The following PRAMEF4 variants were observed in gnomAD, a reference collection of about 807,000 sequenced individuals.
PRAMEF4 encodes PRAME family member 4.
A neutral mutation model predicts 34.4 loss-of-function variants in PRAMEF4; 18 were observed. The observed-to-expected ratio is 0.52, with a 90% CI of 0.36 to 0.78. The LOEUF (loss-of-function observed/expected upper bound fraction) is 0.78. PRAMEF4 is among the 30% of genes least tolerant of loss of function. The pLI, the probability that PRAMEF4 is intolerant of heterozygous loss-of-function variation, is 0.00. For missense variants in PRAMEF4, 482 were observed against 569.1 expected, an observed-to-expected ratio of 0.85 and a Z score of 1.56; for synonymous variants, 156 against 219.3, an observed-to-expected ratio of 0.71 and a Z score of 2.55.
chr1:12,880,953 A>T (rs1333008624), intron 3 of PRAMEF4, among the ~76,000 whole-genome samples: 2 of 147,190 alleles, frequency 1.4e-5, no homozygotes, highest in African/African-American at 2.5e-5. Context: ...TAGAGATGGG[A>T]TCATTCATGT....
intron 3 of PRAMEF4, among the ~76,000 whole-genome samples, chr1:12,880,974 G>A (rs201864146): frequency 0.012 from 1,629 of 140,886 alleles, 14 homozygotes; most frequent in East Asian, 0.055. Context: ...TCACCAAACT[G>A]TGGGGCACAA....
In PRAMEF4 at chr1:12,882,024, A is replaced by T; in HGVS notation, c.705T>A (p.Asn235Lys). Reference protein sequence around the residue: ...QFTPYLGHMRNLQKLILSHMD... With the variant: ...QFTPYLGHMRKLQKLILSHMD... ...TGTGGGAGAGAATGAGTTTCTGAAG[A>T]TTCCTCATGTGGCCCAGGTATGGGG... The change falls in exon 3 of 4, where the codon AAT (asparagine) becomes AAA (lysine). Residue 235 changes from asparagine (N) to lysine (K), a missense_variant. By Grantham distance (94) the Asn-to-Lys change is moderately conservative (BLOSUM62 0). Coordinates refer to ENST00000235349, the MANE Select transcript of PRAMEF4 (RefSeq NM_001009611.4). 6.3e-7 allele frequency: 1 copy of T among 1,591,104 alleles called. No homozygotes were observed. Among genetic ancestry groups the T allele is most frequent in the East Asian group, 2.3e-5 (1 of 44,282 alleles).
At position 12,883,146 on chromosome 1, in the gene PRAMEF4, C is replaced by A; in HGVS notation, c.249G>T (p.Val83=). The change falls in exon 2 of 4, where the codon GTG becomes GTT. Residue 83 remains valine (V), a synonymous_variant. Coordinates refer to ENST00000235349, the MANE Select transcript of PRAMEF4 (RefSeq NM_001009611.4). The stretch of plus-strand genomic sequence containing the variant: ...TAAGCAGTGCATCCAGCCCATCGAG[C>A]ACAGCTTGGAAGGCCTCCAGACAAG... The part of the protein sequence containing the change: ...KMPCLEAFQA[V]LDGLDALLNL... 1 of 1,601,534 alleles carries A rather than the reference C, an allele frequency of 6.2e-7. No homozygotes were observed. The highest frequency in any genetic ancestry group is 8.5e-7 in the Non-Finnish European group (1 of 1,174,220).
intron 3 of PRAMEF4, 46 bp downstream of exon 3, chr1:12,881,808 C>G: frequency 1.3e-6 from 2 of 1,599,098 alleles, no homozygotes; most frequent in Non-Finnish European, 1.7e-6. Context: ...TTTACTGTAA[C>G]AGGCTCTGCT....
rs764822617 is a variant in PRAMEF4 at position 12,882,136 on chromosome 1, C to T, written c.593G>A (p.Arg198Lys). 1 of 1,582,754 alleles carries T rather than the reference C, an allele frequency of 6.3e-7. No individual in the cohort carries two copies. The highest frequency in any genetic ancestry group is 1.1e-5 in the South Asian group (1 of 90,154). The change falls in exon 3 of 4, where the codon AGA (arginine) becomes AAA (lysine). Residue 198 changes from arginine (R) to lysine (K), a missense_variant. By Grantham distance (26) the Arg-to-Lys change is conservative (BLOSUM62 2). Coordinates refer to ENST00000235349, the MANE Select transcript of PRAMEF4 (RefSeq NM_001009611.4). ...TAGGTTCACCATTTTCAGGATGCTT[C>T]TGATATTGCGGAAGGGCATTCCCAA... The part of the protein sequence containing the change: ...KILGMPFRNI[R>K]SILKMVNLDC...
Position 12,879,858 on chromosome 1 carries a change from C to A in PRAMEF4, c.1123G>T (p.Ala375Ser), listed in dbSNP as rs558558025. 2.4e-5 allele frequency: 39 copies of A among 1,599,670 alleles called. 3 individuals carry two copies. In the African/African-American group the frequency reaches 2.5e-4, roughly 10 times the overall value. ...IDSQVNAILPALSRCFELNTF... is the reference protein window; with the variant it reads ...IDSQVNAILPSLSRCFELNTF... Reference sequence around the variant, plus strand: ...TTGAGCTCAAAGCAGCGGCTCAGGGCAGGCAAGATGGCGTTGACTTGGGAG... The same window carrying A: ...TTGAGCTCAAAGCAGCGGCTCAGGGAAGGCAAGATGGCGTTGACTTGGGAG... Residue 375 changes from alanine to serine, a missense_variant, in exon 4 of 4, where the codon GCC becomes TCC. By Grantham distance (99) the Ala-to-Ser change is moderately conservative. This residue lies in a region of PRAMEF4 where 116 missense variants were observed against 105.2 expected (regional missense o/e 1.10). Transcript: ENST00000235349.
chr1:12,885,120 G>C lies in PRAMEF4; in HGVS notation c.-17+1027C>G, dbSNP rs1048434123. Among the ~76,000 whole-genome samples, 9 of 150,912 alleles carry C rather than the reference G, an allele frequency of 6.0e-5. 1 individual carries two copies. In the East Asian group the frequency reaches 1.4e-3, roughly 23 times the overall value. ...ATCTTCATGTATCCGATGATCACCT[G>C]GGTCATATAATTGTTTTTGGTGCTG... On this transcript the variant is annotated intron_variant, in intron 1 of 3. Coordinates refer to ENST00000235349, the MANE Select transcript of PRAMEF4 (RefSeq NM_001009611.4).
chr1:12,885,456 C>A (rs1027874421), intron 1 of PRAMEF4, among the ~76,000 whole-genome samples: 13 of 149,526 alleles, frequency 8.7e-5, no homozygotes, highest in Non-Finnish European at 1.2e-4. Flanking sequence ...ATCTTCTGGG[C>A]TCAAGTGATT....
In PRAMEF4 at chr1:12,882,058, G is replaced by A. The variant is rs1354684240; in HGVS notation, c.671C>T (p.Thr224Ile). ...GTGGCCCAGGTATGGGGTAAACTGT[G>A]TCAGGATGGGCAGTACCCACTTGCA... ...VNCKWVLPIL[T>I]QFTPYLGHMR... The change falls in exon 3 of 4, where the codon ACA (threonine) becomes ATA (isoleucine). Residue 224 changes from threonine (T) to isoleucine (I), a missense_variant. By Grantham distance (89) the Thr-to-Ile change is moderately conservative. This residue lies in a region of PRAMEF4 where 81 missense variants were observed against 73.1 expected (regional missense o/e 1.11). Coordinates refer to ENST00000235349, the MANE Select transcript of PRAMEF4 (RefSeq NM_001009611.4). The A allele has an allele frequency of 6.3e-6, 10 of 1,589,982 alleles. No homozygotes were observed. The African/African-American group carries it at 1.3e-4, about 20-fold the overall frequency.
At position 12,880,186 on chromosome 1, in the gene PRAMEF4, G is replaced by T. The variant is rs1191834310; in HGVS notation, c.876-81C>A. On this transcript the variant is annotated intron_variant, in intron 3 of 3. Transcript: ENST00000235349. ...TGGTGGGGAATGGCTTCAAGGTAAT[G>T]GATGGAGACCTTTTTGCCCAAGTCC... 318 of 1,568,736 alleles carry T rather than the reference G, an allele frequency of 2.0e-4. 1 individual carries two copies. The highest frequency in any genetic ancestry group is 2.6e-4 in the Non-Finnish European group (301 of 1,147,304).
intron 1 of PRAMEF4, among the ~76,000 whole-genome samples, chr1:12,885,278 C>T (rs1424392735): frequency 2.7e-5 from 4 of 149,782 alleles, no homozygotes; most frequent in East Asian, 2.0e-4. Context: ...TACAGGCATG[C>T]ACCCCCCACA....
chr1:12,885,455 G>T lies in PRAMEF4; in HGVS notation c.-17+692C>A, dbSNP rs7541068. On this transcript the variant is annotated intron_variant, in intron 1 of 3. Transcript: ENST00000235349. ...GCTCACTGCAGCCTCAATCTTCTGGGCTCAAGTGATTCTCCCACACCAGCC... is the reference window on the plus strand; with the variant it reads ...GCTCACTGCAGCCTCAATCTTCTGGTCTCAAGTGATTCTCCCACACCAGCC... Among the ~76,000 whole-genome samples, 273 of 142,522 alleles carry T rather than the reference G, an allele frequency of 1.9e-3. 4 individuals carry two copies. The highest frequency in any genetic ancestry group is 6.6e-3 in the African/African-American group (247 of 37,520). 93.5% of individuals were successfully genotyped at this position (142,522 alleles called of 152,430 possible).
chr1:12,883,022 C>A (rs528724478), intron 2 of PRAMEF4, 80 bp downstream of exon 2: 4 of 1,567,556 alleles, frequency 2.6e-6, no homozygotes, highest in African/African-American at 1.4e-5. Context: ...CCCCCTTGGG[C>A]CTCCTCACTT....
At chr1:12,885,638 A>G (rs957553496) in intron 1 of PRAMEF4, among the ~76,000 whole-genome samples, 3 of 145,570 alleles carry the variant, frequency 2.1e-5, no homozygotes, top group Non-Finnish European at 3.0e-5. Flanking sequence ...AAAGTTAGCC[A>G]GGCATGGTTT....
chr1:12,881,345 G>C lies in PRAMEF4; in HGVS notation c.875+509C>G, dbSNP rs572607517. 2.0e-4 allele frequency among the ~76,000 whole-genome samples: 30 copies of C among 148,592 alleles called. 3 individuals are homozygous for C. Among genetic ancestry groups the C allele is most frequent in the African/African-American group, 7.0e-4 (28 of 39,918 alleles). ...GTCACAACTGCACTGTAGCCTAGAC[G>C]ATCAAAGAGAAACTCCATCTCAGAA... On this transcript the variant is annotated intron_variant, in intron 3 of 3. Coordinates refer to ENST00000235349, the MANE Select transcript of PRAMEF4 (RefSeq NM_001009611.4).
Position 12,880,214 on chromosome 1 carries a change from G to T in PRAMEF4, c.876-109C>A, listed in dbSNP as rs562285955. ...TGGAGACCTTTTTGCCCAAGTCCAG[G>T]GTCATTCTGATGGCCTGATGGTCAA... On this transcript the variant is annotated intron_variant, in intron 3 of 3. Coordinates refer to ENST00000235349, the MANE Select transcript of PRAMEF4 (RefSeq NM_001009611.4). 3.4e-5 allele frequency: 52 copies of T among 1,521,284 alleles called. No individual in the cohort carries two copies. In the South Asian group the frequency reaches 5.4e-4, roughly 16 times the overall value. 94.2% of individuals were successfully genotyped at this position (1,521,284 alleles called of 1,614,324 possible).
intron 3 of PRAMEF4, among the ~76,000 whole-genome samples, chr1:12,880,582 A>G (rs1640869125): frequency 6.7e-6 from 1 of 149,652 alleles, no homozygotes; most frequent in African/African-American, 2.5e-5. Context: ...TATTAAAAAA[A>G]AAAAAGGAGA....
chr1:12,879,850 G>A lies in PRAMEF4; in HGVS notation c.1131C>T (p.Ser377=), dbSNP rs1247915293. Residue 377 remains serine (S), a synonymous_variant, in exon 4 of 4, where the codon AGC becomes AGT. Coordinates refer to ENST00000235349, the MANE Select transcript of PRAMEF4 (RefSeq NM_001009611.4). ...SQVNAILPAL[S]RCFELNTFSF... ...TGAAGGTGTTGAGCTCAAAGCAGCGGCTCAGGGCAGGCAAGATGGCGTTGA... is the reference window on the plus strand; with the variant it reads ...TGAAGGTGTTGAGCTCAAAGCAGCGACTCAGGGCAGGCAAGATGGCGTTGA... 19 of 1,599,464 alleles carry A rather than the reference G, an allele frequency of 1.2e-5. No homozygotes were observed. In the East Asian group the frequency reaches 4.0e-4, roughly 34 times the overall value.
intron 1 of PRAMEF4, among the ~76,000 whole-genome samples, chr1:12,885,551 C>A (rs1258875336): frequency 1.4e-5 from 2 of 148,094 alleles, no homozygotes; most frequent in Admixed American, 6.9e-5. Context: ...GAGGCCAAGG[C>A]AGGTGGATCA....
Sources: allele counts gnomAD v4.1 joint callset (sites outside exome capture counted in the v4.1 genomes callset), GRCh38; gene constraint gnomAD v4.1.1; regional missense constraint gnomAD v4.1.1; transcripts MANE v1.5; gene names NCBI Gene and HGNC (gene_info 2026-07-23, HGNC 2026-07-21).